The following BIRC3 variants were observed in gnomAD, a reference collection of about 807,000 sequenced individuals.
The protein encoded by BIRC3 is baculoviral IAP repeat containing 3.
BIRC3 carries 26 observed loss-of-function variants against 59.0 expected under a neutral mutation model. That is an observed-to-expected ratio of 0.44 (90% CI 0.32 to 0.61). The LOEUF (loss-of-function observed/expected upper bound fraction) is 0.61. Among genes scored for constraint, BIRC3 ranks in the 20% least tolerant of loss-of-function variants. BIRC3 has a pLI of 0.04. For synonymous variants in BIRC3, 243 were observed against 249.2 expected (o/e 0.98, Z 0.24); for missense variants, 641 against 711.5 (o/e 0.90, Z 1.13).
In BIRC3 at chr11:102,324,003, C is replaced by T. The variant is rs1171060972; in HGVS notation, c.-507C>T. ...CTTTTTTTTCCTGGCCACTAAATTT[C>T]ACAATTTCCAAAAAGCAAAATAAAC... On this transcript the variant is annotated 5_prime_UTR_variant, in exon 2 of 9. Coordinates refer to ENST00000263464, the MANE Select transcript of BIRC3 (RefSeq NM_001165.5). 4.8e-6 allele frequency: 1 copy of T among 206,324 alleles called. No individual in the cohort carries two copies. Among genetic ancestry groups the T allele is most frequent in the East Asian group, 7.4e-5 (1 of 13,490 alleles). 12.8% of individuals were successfully genotyped at this position (206,324 alleles called of 1,614,324 possible).
chr11:102,317,866 G>C (rs567162718), intron 1 of BIRC3, among the ~76,000 whole-genome samples: 1 of 152,352 alleles, frequency 6.6e-6, no homozygotes, highest in Non-Finnish European at 1.5e-5. Flanking sequence ...GTTGCCAAGA[G>C]TTATCACTGG....
intron 6 of BIRC3, among the ~76,000 whole-genome samples, chr11:102,333,028 G>T (rs1489942531): frequency 1.3e-5 from 2 of 152,064 alleles, no homozygotes; most frequent in African/African-American, 2.4e-5. Flanking sequence ...AATCAGAAAA[G>T]TCTCCAGAAA....
At chr11:102,329,965 G>C (rs1036839424) in intron 5 of BIRC3, among the ~76,000 whole-genome samples, 4 of 151,926 alleles carry the variant, frequency 2.6e-5, no homozygotes, top group Non-Finnish European at 4.4e-5. Context: ...AAAGAATACA[G>C]AACAGGATAA....
At chr11:102,318,051 C>G (rs2135779204) in intron 1 of BIRC3, among the ~76,000 whole-genome samples, 1 of 152,288 alleles carries the variant, frequency 6.6e-6, no homozygotes, top group East Asian at 1.9e-4. Context: ...AGTGCTCTTA[C>G]TCTGATCAAT....
rs1357258159 is a variant in BIRC3 at position 102,326,735 on chromosome 11, C to T, written c.953+1170C>T. The T allele has an allele frequency of 1.5e-5, 7 of 454,626 alleles. No individual in the cohort carries two copies. The East Asian group carries it at 4.9e-4, about 32-fold the overall frequency. 28.2% of individuals were successfully genotyped at this position (454,626 alleles called of 1,614,324 possible). ...TTTCCTCTTTTCTTTTGAGATGGAG[C>T]CTGGCTCTGTTGCCCAGATTGGAGT... On this transcript the variant is annotated intron_variant, in intron 3 of 8. Coordinates refer to ENST00000263464, the MANE Select transcript of BIRC3 (RefSeq NM_001165.5).
intron 5 of BIRC3, 112 bp from the exon 6 acceptor site, chr11:102,330,887 T>C: frequency 8.7e-7 from 1 of 1,147,114 alleles, no homozygotes; most frequent in Non-Finnish European, 1.2e-6. Flanking sequence ...ATTTTGTTGG[T>C]TTTACATTTT....
In BIRC3 at chr11:102,322,876, C is replaced by A. The variant is rs932829776; in HGVS notation, c.-1634C>A. 8 of 183,334 alleles carry A rather than the reference C, an allele frequency of 4.4e-5. No individual in the cohort carries two copies. The highest frequency in any genetic ancestry group is 2.5e-4 in the Admixed American group (4 of 15,694). 11.4% of individuals were successfully genotyped at this position (183,334 alleles called of 1,614,324 possible). A position where few individuals can be genotyped will look rare whatever the true frequency, so the allele number is the denominator to read the frequency against. ...ACCTCTTTACTAATGGCTAGTAAATCATAATTGAGAAATTCTGAATTTTGA... is the reference window on the plus strand; with the variant it reads ...ACCTCTTTACTAATGGCTAGTAAATAATAATTGAGAAATTCTGAATTTTGA... On this transcript the variant is annotated 5_prime_UTR_variant, in exon 2 of 9. An upstream open reading frame in the 5' UTR gains an earlier in-frame stop. Coordinates refer to ENST00000263464, the MANE Select transcript of BIRC3 (RefSeq NM_001165.5).
chr11:102,338,451 C>A lies in BIRC3; in HGVS notation c.*1349C>A, dbSNP rs557624198. 1.7e-5 allele frequency: 4 copies of A among 228,870 alleles called. No homozygotes were observed. Among genetic ancestry groups the A allele is most frequent in the Non-Finnish European group, 3.5e-5 (4 of 115,378 alleles). The allele number at this position is 228,870 out of a possible 1,614,324, so 14.2% of individuals were successfully genotyped here. On this transcript the variant is annotated 3_prime_UTR_variant, in exon 9 of 9. Coordinates refer to ENST00000263464, the MANE Select transcript of BIRC3 (RefSeq NM_001165.5). ...ATCACAGATTTACATCACCGGGGAG[C>A]CTTCGTAATGAAGATCCAAAATTAC...
At chr11:102,336,368 G>C (rs1483631504) in intron 7 of BIRC3, 148 bp downstream of exon 7, 66 of 916,286 alleles carry the variant, frequency 7.2e-5, no homozygotes, top group Non-Finnish European at 7.9e-6. Context: ...GAGGCAGGTG[G>C]ATTGCTTGAG....
At position 102,324,643 on chromosome 11, in the gene BIRC3, T is replaced by C; in HGVS notation, c.134T>C (p.Val45Ala). 6.2e-7 allele frequency: 1 copy of C among 1,614,216 alleles called. No homozygotes were observed. Among genetic ancestry groups the C allele is most frequent in the Non-Finnish European group, 8.5e-7 (1 of 1,180,018 alleles). Residue 45 changes from valine to alanine, a missense_variant, in exon 2 of 9, where the codon GTC becomes GCC. Physicochemically the swap from Val to Ala is moderately conservative, Grantham distance 64 (BLOSUM62 0). Around this residue, in one of 4 missense-constraint regions of BIRC3, gnomAD observed 329 missense variants for 365.6 expected, o/e 0.90. Coordinates refer to ENST00000263464, the MANE Select transcript of BIRC3 (RefSeq NM_001165.5). The part of the protein sequence containing the change: ...TYSTFPAGVP[V>A]SERSLARAGF... ...TCCACTTTTCCTGCTGGGGTTCCTG[T>C]CTCAGAAAGGAGTCTTGCTCGTGCT...
At chr11:102,329,921 G>T (rs1951122875) in intron 5 of BIRC3, among the ~76,000 whole-genome samples, 1 of 134,598 alleles carries the variant, frequency 7.4e-6, no homozygotes, top group Admixed American at 7.9e-5. Context: ...ATGTACCCTA[G>T]AACTTAAAGT....
intron 6 of BIRC3, among the ~76,000 whole-genome samples, chr11:102,335,109 G>A (rs1951182752): frequency 6.6e-6 from 1 of 152,136 alleles, no homozygotes; most frequent in Non-Finnish European, 1.5e-5. Context: ...GGATGTAGTG[G>A]CACATGCCTG....
rs1951231387 is a variant in BIRC3 at position 102,339,261 on chromosome 11, TCA to T, written c.*2160_*2161del. ...TACTACAGATAATATTTGAACTTTG[TCA>T]TCTCACTGTAAAACTTTTGTTCATT... On this transcript the variant is annotated 3_prime_UTR_variant, in exon 9 of 9. Transcript: ENST00000263464. 3.7e-5 allele frequency: 7 copies of T among 191,598 alleles called. No individual in the cohort carries two copies. The highest frequency in any genetic ancestry group is 1.4e-4 in the African/African-American group (6 of 42,986). 11.9% of individuals were successfully genotyped at this position (191,598 alleles called of 1,614,324 possible).
intron 5 of BIRC3, among the ~76,000 whole-genome samples, chr11:102,330,286 A>G (rs1951126224): frequency 6.6e-6 from 1 of 152,230 alleles, no homozygotes; most frequent in Non-Finnish European, 1.5e-5. Context: ...ATATGGCCAG[A>G]AGTAGGAGTT....
At chr11:102,331,755 G>T (rs375089851) in intron 6 of BIRC3, among the ~76,000 whole-genome samples, 2 of 152,014 alleles carry the variant, frequency 1.3e-5, no homozygotes, top group African/African-American at 2.4e-5. Flanking sequence ...AGCAATTCTC[G>T]TGCCTCCTTC....
rs1196722134 is a variant in BIRC3 at position 102,322,455 on chromosome 11, AG to A, written c.-2054del. The A allele has an allele frequency of 2.9e-5, 6 of 206,044 alleles. No individual in the cohort carries two copies. Among genetic ancestry groups the A allele is most frequent in the Admixed American group, 1.2e-4 (2 of 16,788 alleles). 12.8% of individuals were successfully genotyped at this position (206,044 alleles called of 1,614,324 possible). ...GCCACTGATATTTTAAACGTCCAAA[AG>A]TTTGTTTAAATGGGCTGTTACCGCT... On this transcript the variant is annotated 5_prime_UTR_variant, in exon 2 of 9. Coordinates refer to ENST00000263464, the MANE Select transcript of BIRC3 (RefSeq NM_001165.5).
Position 102,336,035 on chromosome 11 carries a change from T to C in BIRC3, c.1394T>C (p.Leu465Pro). The change falls in exon 7 of 9, where the codon CTG (leucine) becomes CCG (proline). Residue 465 changes from leucine (L) to proline (P), a missense_variant. Coordinates refer to ENST00000263464, the MANE Select transcript of BIRC3 (RefSeq NM_001165.5). ...CATTTGACTTGTGTAATTCCAATCC[T>C]GGATAGTCTACTAACTGCCGGAATT... ...FQHLTCVIPILDSLLTAGIIN... is the reference protein window; with the variant it reads ...FQHLTCVIPIPDSLLTAGIIN... 1.2e-6 allele frequency: 2 copies of C among 1,613,696 alleles called. No homozygotes were observed. Among genetic ancestry groups the C allele is most frequent in the Non-Finnish European group, 1.7e-6 (2 of 1,179,752 alleles).
At chr11:102,320,679 C>A (rs1417019296) in intron 1 of BIRC3, among the ~76,000 whole-genome samples, 1 of 152,206 alleles carries the variant, frequency 6.6e-6, no homozygotes, top group African/African-American at 2.4e-5. Flanking sequence ...AACATATGTC[C>A]TTTTTCTCTA....
At position 102,331,119 on chromosome 11, in the gene BIRC3, G is replaced by A. The variant is rs17881197; in HGVS notation, c.1202G>A (p.Arg401Lys). 8.0e-3 allele frequency: 12,883 copies of A among 1,613,750 alleles called. 70 individuals carry two copies. Among genetic ancestry groups the A allele is most frequent in the Middle Eastern group, 0.014 (87 of 6,058 alleles). Residue 401 changes from arginine (R) to lysine (K), a missense_variant, in exon 6 of 9, where the codon AGA (arginine) becomes AAA (lysine). Physicochemically the swap from Arg to Lys is conservative, Grantham distance 26 (BLOSUM62 2). Around this residue, in one of 4 missense-constraint regions of BIRC3, gnomAD observed 268 missense variants for 255.7 expected, o/e 1.05. Coordinates refer to ENST00000263464, the MANE Select transcript of BIRC3 (RefSeq NM_001165.5). ...SRSLVKQTVQRKILATGENYR... is the reference protein window; with the variant it reads ...SRSLVKQTVQKKILATGENYR... ...AGCCTGGTAAAACAGACAGTTCAGA[G>A]AAAAATCCTAGCAACTGGAGAGAAT...
Sources: gnomAD v4.1 joint callset for allele counts (sites outside exome capture counted in the v4.1 genomes callset) on GRCh38, gnomAD v4.1.1 for gene constraint, gnomAD v4.1.1 regional missense constraint, MANE v1.5 for transcripts, NCBI Gene and HGNC (gene_info 2026-07-23, HGNC 2026-07-21) for gene names.